The following KANSL1L variants were observed in gnomAD, a reference collection of about 807,000 sequenced individuals.
KANSL1L encodes the protein KAT8 regulatory NSL complex subunit 1-like protein.
A neutral mutation model predicts 108.6 loss-of-function variants in KANSL1L; 25 were observed. The ratio of observed to expected loss-of-function variants is 0.23; its 90% CI spans 0.17 to 0.32. The LOEUF (loss-of-function observed/expected upper bound fraction) is 0.32. Ranked by LOEUF, KANSL1L falls within the 10% of genes least tolerant of loss-of-function variation. KANSL1L has a pLI of 1.00. For synonymous variants in KANSL1L, 405 were observed against 395.1 expected (o/e 1.03, Z -0.30); for missense variants, 1,137 against 1,125.7 (o/e 1.01, Z -0.14).
At chr2:210,098,913 T>C (rs1284652287) in intron 4 of KANSL1L, among the ~76,000 whole-genome samples, 1 of 151,226 alleles carries the variant, frequency 6.6e-6, no homozygotes, top group Non-Finnish European at 1.5e-5. Context: ...ATAAATATTA[T>C]TCTCAAAACA....
intron 1 of KANSL1L, among the ~76,000 whole-genome samples, chr2:210,160,457 G>A (rs768485365): frequency 2.6e-5 from 4 of 152,056 alleles, no homozygotes; most frequent in Non-Finnish European, 5.9e-5. Context: ...TGAACTCCTC[G>A]ACTAATGAAT....
intron 5 of KANSL1L, among the ~76,000 whole-genome samples, chr2:210,092,837 T>G (rs940238622): frequency 2.0e-5 from 3 of 152,178 alleles, no homozygotes; most frequent in Non-Finnish European, 4.4e-5. Context: ...AAACTAGGGA[T>G]CTCTTGGATC....
At chr2:210,066,517 C>A (rs770269446) in intron 6 of KANSL1L, among the ~76,000 whole-genome samples, 3 of 152,172 alleles carry the variant, frequency 2.0e-5, no homozygotes, top group African/African-American at 7.2e-5. Flanking sequence ...TAGGTATATG[C>A]CCTGGTAACC....
chr2:210,030,050 A>G, intron 9 of KANSL1L, 132 bp from the exon 10 acceptor site: 1 of 449,192 alleles, frequency 2.2e-6, no homozygotes, highest in East Asian at 3.4e-5. Flanking sequence ...GTATTAGAAA[A>G]CAAAAAAGGA....
At chr2:210,129,939 G>C (rs1315462047) in intron 2 of KANSL1L, among the ~76,000 whole-genome samples, 2 of 151,424 alleles carry the variant, frequency 1.3e-5, no homozygotes, top group African/African-American at 2.4e-5. Context: ...AAAATTATTG[G>C]GGATTACGGG....
In KANSL1L at chr2:210,028,917, A is replaced by G; in HGVS notation, c.2324T>C (p.Ile775Thr). The change falls in exon 11 of 15, where the codon ATT becomes ACT. Residue 775 changes from isoleucine to threonine, a missense_variant. Ile to Thr is a moderately conservative substitution (Grantham distance 89). This residue lies in a region of KANSL1L where 575 missense variants were observed against 567.1 expected (regional missense o/e 1.01). Transcript: ENST00000281772. ...RSESSYDIDN[I>T]VIPMSLVAPA... is the part of the protein sequence containing the mutation. ...GGCTACTAATGACATGGGAATCACA[A>G]TGTTATCTATGTCATAAGAGCTCTC... 1.2e-6 allele frequency: 2 copies of G among 1,604,802 alleles called. No individual in the cohort carries two copies. Among genetic ancestry groups the G allele is most frequent in the Non-Finnish European group, 1.7e-6 (2 of 1,172,328 alleles).
rs532140909 is a variant in KANSL1L at position 210,051,865 on chromosome 2, C to T, written c.1756-7761G>A. On this transcript the variant is annotated intron_variant, in intron 6 of 14. Transcript: ENST00000281772. ...TATCAAACTGAAGACATCATGTCTT[C>T]TTTTTGGCTGTGGAAATAGTCATGT... Among the ~76,000 whole-genome samples, 187 of 152,080 alleles carry T rather than the reference C, an allele frequency of 1.2e-3. 1 individual carries two copies. The highest frequency in any genetic ancestry group is 4.2e-3 in the African/African-American group (176 of 41,494).
intron 6 of KANSL1L, among the ~76,000 whole-genome samples, chr2:210,055,762 G>A (rs1029433308): frequency 1.3e-5 from 2 of 152,168 alleles, no homozygotes; most frequent in African/African-American, 2.4e-5. Flanking sequence ...ATGATCTAGA[G>A]TATCTGGTGG....
At chr2:210,096,233 A>G (rs2094734946) in intron 5 of KANSL1L, among the ~76,000 whole-genome samples, 1 of 152,210 alleles carries the variant, frequency 6.6e-6, no homozygotes, top group Non-Finnish European at 1.5e-5. Context: ...ATTTGGATCT[A>G]CATATCTTTA....
intron 6 of KANSL1L, among the ~76,000 whole-genome samples, chr2:210,045,259 A>T (rs1248493411): frequency 2.6e-5 from 4 of 151,730 alleles, no homozygotes; most frequent in Non-Finnish European, 5.9e-5. Flanking sequence ...ATTTTCTTAA[A>T]TTTTTCCCAT....
At position 210,075,595 on chromosome 2, in the gene KANSL1L, C is replaced by T. The variant is rs754026837; in HGVS notation, c.1712G>A (p.Arg571Gln). 5 of 1,613,972 alleles carry T rather than the reference C, an allele frequency of 3.1e-6. No individual in the cohort carries two copies. Among genetic ancestry groups the T allele is most frequent in the East Asian group, 2.2e-5 (1 of 44,880 alleles). The change falls in exon 6 of 15, where the codon CGA (arginine) becomes CAA (glutamine). Residue 571 changes from arginine (R) to glutamine (Q), a missense_variant. Arg to Gln is a conservative substitution (Grantham distance 43). Transcript: ENST00000281772. ...AGTAGGGCTCAATCTGTACAGTTTTCGTTTGTGGAAACTCTGAAGTGGCCT... is the reference window on the plus strand; with the variant it reads ...AGTAGGGCTCAATCTGTACAGTTTTTGTTTGTGGAAACTCTGAAGTGGCCT... ...RTRPLQSFHK[R>Q]KLYRLSPTFY...
chr2:210,122,036 G>A (rs1440109192), intron 3 of KANSL1L, among the ~76,000 whole-genome samples: 1 of 151,352 alleles, frequency 6.6e-6, no homozygotes, highest in African/African-American at 2.4e-5. Flanking sequence ...AACTGAAGAG[G>A]ATACACACAA....
intron 14 of KANSL1L, among the ~76,000 whole-genome samples, chr2:210,023,487 A>G (rs986145391): frequency 1.4e-4 from 21 of 152,190 alleles, no homozygotes; most frequent in Non-Finnish European, 2.5e-4. Context: ...ATACTTCTAC[A>G]GTATCTTCAT....
At chr2:210,172,652 A>T (rs572021100), upstream of KANSL1L, among the ~76,000 whole-genome samples, 36 of 152,328 alleles carry the variant, frequency 2.4e-4, 1 homozygote, top group South Asian at 7.5e-3. Context: ...ATTGTAAGCT[A>T]ATGATGTGTT....
At chr2:210,078,697 CAATT>C (rs1250508904) in intron 5 of KANSL1L, among the ~76,000 whole-genome samples, 1 of 152,116 alleles carries the variant, frequency 6.6e-6, no homozygotes, top group Non-Finnish European at 1.5e-5. Context: ...ACGGCCCAAT[CAATT>C]AACCTCATTG....
chr2:210,057,995 A>C (rs1330824925), intron 6 of KANSL1L, among the ~76,000 whole-genome samples: 1 of 152,222 alleles, frequency 6.6e-6, no homozygotes, highest in Non-Finnish European at 1.5e-5. Context: ...ACCTTGAAAA[A>C]AGAACAGGAT....
chr2:210,170,512 TCTGA>T, intron 1 of KANSL1L: 1 of 354,690 alleles, frequency 2.8e-6, no homozygotes, highest in Non-Finnish European at 3.9e-6. Flanking sequence ...CACCACGCAA[TCTGA>T]CTTTTTCCAG....
chr2:210,068,259 T>C (rs1208432858), intron 6 of KANSL1L, among the ~76,000 whole-genome samples: 2 of 152,230 alleles, frequency 1.3e-5, no homozygotes, highest in Non-Finnish European at 2.9e-5. Context: ...TATGTAACTG[T>C]ATTTATGCCT....
At chr2:210,038,034 A>G (rs1202394465) in intron 8 of KANSL1L, among the ~76,000 whole-genome samples, 1 of 152,144 alleles carries the variant, frequency 6.6e-6, no homozygotes, top group Non-Finnish European at 1.5e-5. Context: ...ATATCACAAC[A>G]TTCTTTGATA....
Sources: gnomAD v4.1 joint callset for allele counts (sites outside exome capture counted in the v4.1 genomes callset) on GRCh38, gnomAD v4.1.1 for gene constraint, gnomAD v4.1.1 regional missense constraint, MANE v1.5 for transcripts, NCBI Gene and HGNC (gene_info 2026-07-23, HGNC 2026-07-21) for gene names.